Variants in RAB33A observed in about 807,000 individuals in gnomAD.
The protein encoded by RAB33A is ras-related protein Rab-33A.
Under a neutral mutation model 12.0 loss-of-function variants are expected in RAB33A, and 6 were observed. That is an observed-to-expected ratio of 0.50 (90% confidence interval 0.27 to 0.99). The LOEUF (loss-of-function observed/expected upper bound fraction) is 0.99, where lower values mean the gene tolerates loss of function less well. RAB33A is among the 50% of genes least tolerant of loss of function. RAB33A has a pLI of 0.11. For synonymous variants in RAB33A, 70 were observed against 82.4 expected (o/e 0.85, Z 0.81); for missense variants, 109 against 192.0 (o/e 0.57, Z 2.55).
At chrX:130,165,410 G>A in the RAB33A span, 2 of 549,554 alleles carry the variant, frequency 3.6e-6, no homozygotes, top group Admixed American at 2.7e-5. Context: ...AAGACTCAGG[G>A]TTCGGAGTCT....
chrX:130,131,057 A>C, the RAB33A span, among the ~76,000 whole-genome samples: 4 of 112,541 alleles, frequency 3.6e-5, no homozygotes, highest in Non-Finnish European at 7.5e-5. Context: ...GCAGAAGTTA[A>C]ATAACTTGAG....
the RAB33A span, chrX:130,165,812 G>A: frequency 5.6e-6 from 3 of 532,972 alleles, no homozygotes; most frequent in Admixed American, 5.4e-5. Flanking sequence ...GGACAGAGAA[G>A]CCGGCCTGCT....
At chrX:130,121,718 G>A in the RAB33A span, among the ~76,000 whole-genome samples, 1 of 112,593 alleles carries the variant, frequency 8.9e-6, no homozygotes, top group African/African-American at 3.2e-5. Flanking sequence ...GAATGCCCAG[G>A]AGGGAATTGC....
the RAB33A span, among the ~76,000 whole-genome samples, chrX:130,159,924 C>G: frequency 0.49 from 52,886 of 108,326 alleles, 10,291 homozygotes; most frequent in African/African-American, 0.69. Context: ...GGGCTCAAGC[C>G]ATTCACCAGC....
chrX:130,134,051 TA>T, the RAB33A span, among the ~76,000 whole-genome samples: 1 of 110,104 alleles, frequency 9.1e-6, no homozygotes, highest in Non-Finnish European at 1.9e-5. Flanking sequence ...GCCTGGCCAA[TA>T]TGGTGAAACC....
At chrX:130,149,479 G>A in the RAB33A span, 38 of 1,204,640 alleles carry the variant, frequency 3.2e-5, no homozygotes, top group Middle Eastern at 2.3e-4. Flanking sequence ...CAGATAACGC[G>A]GCCTTTTTCT....
chrX:130,120,227 G>GT, the RAB33A span, among the ~76,000 whole-genome samples: 1 of 109,612 alleles, frequency 9.1e-6, no homozygotes, highest in Non-Finnish European at 1.9e-5. Context: ...TTGTTTTTTT[G>GT]TTTTTTGTTT....
At chrX:130,145,933 T>C in the RAB33A span, among the ~76,000 whole-genome samples, 1 of 111,827 alleles carries the variant, frequency 8.9e-6, no homozygotes. Context: ...CTGCTCCAAA[T>C]GTCAATAGTG....
At chrX:130,176,068 C>T (rs367590860) in intron 1 of RAB33A, among the ~76,000 whole-genome samples, 2 of 111,360 alleles carry the variant, frequency 1.8e-5, no homozygotes, top group South Asian at 7.6e-4. Flanking sequence ...CACAAGGCCA[C>T]CTATGACAAG....
At chrX:130,146,451 A>ATGTGTG in the RAB33A span, among the ~76,000 whole-genome samples, 1,449 of 89,413 alleles carry the variant, frequency 0.016, 21 homozygotes, top group African/African-American at 0.047. Flanking sequence ...CTCTCAAAAT[A>ATGTGTG]TGTGTGTGTG....
At chrX:130,168,457 G>A (rs747448709), upstream of RAB33A, among the ~76,000 whole-genome samples, 16 of 110,547 alleles carry the variant, frequency 1.4e-4, no homozygotes, top group South Asian at 3.8e-4. Context: ...TCAGGTGATC[G>A]CCCGCCTCGG....
chrX:130,117,616 A>C, the RAB33A span, among the ~76,000 whole-genome samples: 6 of 112,718 alleles, frequency 5.3e-5, no homozygotes, highest in East Asian at 1.7e-3. Context: ...CAGAGTCAGC[A>C]AATGAGATGA....
the RAB33A span, among the ~76,000 whole-genome samples, chrX:130,115,787 G>A: frequency 9.0e-6 from 1 of 111,696 alleles, no homozygotes; most frequent in South Asian, 3.7e-4. Context: ...GTATTCAAAA[G>A]CTGGGAGAGA....
chrX:130,159,654 G>A, the RAB33A span, among the ~76,000 whole-genome samples: 2 of 108,902 alleles, frequency 1.8e-5, no homozygotes, highest in East Asian at 5.6e-4. Flanking sequence ...TCCTCCAGAA[G>A]ACCCTAAATA....
the RAB33A span, among the ~76,000 whole-genome samples, chrX:130,119,726 AG>A: frequency 8.0e-5 from 9 of 111,948 alleles, no homozygotes; most frequent in African/African-American, 2.9e-4. Context: ...GGGAACGTTT[AG>A]GATCCTTTGG....
the RAB33A span, among the ~76,000 whole-genome samples, chrX:130,139,035 A>G: frequency 9.0e-6 from 1 of 111,214 alleles, no homozygotes; most frequent in Non-Finnish European, 1.9e-5. Flanking sequence ...CTACAATGGC[A>G]TAAGACAGCC....
the RAB33A span, among the ~76,000 whole-genome samples, chrX:130,125,618 G>C: frequency 1.8e-5 from 2 of 109,721 alleles, no homozygotes; most frequent in Admixed American, 2.0e-4. Flanking sequence ...AGCCAAACTG[G>C]AGAGGAGCGG....
chrX:130,166,198 G>A, the RAB33A span, among the ~76,000 whole-genome samples: 1 of 111,831 alleles, frequency 8.9e-6, no homozygotes, highest in Admixed American at 9.5e-5. Flanking sequence ...CTTTTGCAGT[G>A]ATCCAGATCC....
chrX:130,172,057 G>A lies in RAB33A; in HGVS notation c.-6G>A. 1.7e-6 allele frequency: 2 copies of A among 1,205,157 alleles called. No homozygotes were observed. Among genetic ancestry groups the A allele is most frequent in the Non-Finnish European group, 2.2e-6 (2 of 892,494 alleles). The stretch of plus-strand genomic sequence containing the variant: ...GGGGTTGGGGCCCCGGTTCGGTCCG[G>A]GGGAGATGGCGCAGCCCATCCTGGG... On this transcript the variant is annotated 5_prime_UTR_variant, in exon 1 of 2. Coordinates refer to ENST00000257017, the MANE Select transcript of RAB33A (RefSeq NM_004794.3).
Sources: gnomAD v4.1 joint callset for allele counts (sites outside exome capture counted in the v4.1 genomes callset) on GRCh38, gnomAD v4.1.1 for gene constraint, MANE v1.5 for transcripts, NCBI Gene and HGNC (gene_info 2026-07-23, HGNC 2026-07-21) for gene names.